Variants in LRRC8D observed in about 807,000 individuals in gnomAD.
LRRC8D encodes the protein volume-regulated anion channel subunit LRRC8D.
Under a neutral mutation model 55.8 loss-of-function variants are expected in LRRC8D, and 20 were observed. The observed-to-expected ratio is 0.36, with a 90% CI of 0.25 to 0.52. The LOEUF is 0.52. Ranked by LOEUF, LRRC8D falls within the 20% of genes least tolerant of loss-of-function variation. The probability of loss-of-function intolerance (pLI) is 0.93; values close to 1 mark genes in which losing one functional copy is unlikely to be tolerated. For missense variants in LRRC8D, 651 were observed against 1,030.8 expected (o/e 0.63, Z 5.05); for synonymous variants, 352 against 377.0 (o/e 0.93, Z 0.77).
intron 2 of LRRC8D, among the ~76,000 whole-genome samples, chr1:89,877,617 C>G (rs1028816592): frequency 1.3e-5 from 2 of 152,060 alleles, no homozygotes; most frequent in African/African-American, 4.8e-5. Context: ...GCAGCCTGTT[C>G]CTAAAACGTG....
chr1:89,845,409 C>T (rs528975687), intron 2 of LRRC8D, among the ~76,000 whole-genome samples: 4 of 152,264 alleles, frequency 2.6e-5, no homozygotes, highest in African/African-American at 7.2e-5. Flanking sequence ...TTGCCAAATA[C>T]GTCATGAAAA....
chr1:89,935,813 T>A lies in LRRC8D; in HGVS notation c.*168T>A, dbSNP rs950737349. The A allele has an allele frequency of 1.6e-6, 1 of 610,788 alleles. No individual in the cohort carries two copies. The highest frequency in any genetic ancestry group is 2.8e-6 in the Non-Finnish European group (1 of 358,180). The allele number at this position is 610,788 out of a possible 1,614,324, so 37.8% of individuals were successfully genotyped here. ...AGAAGACATAACTGAATGTTCAATG[T>A]TTGTAGGGTTTTAAGTCATTCATTT... is the stretch of plus-strand genomic sequence containing the variant. On this transcript the variant is annotated 3_prime_UTR_variant, in exon 3 of 3. Coordinates refer to ENST00000337338, the MANE Select transcript of LRRC8D (RefSeq NM_001134479.2).
At chr1:89,846,401 G>C (rs535836169) in intron 2 of LRRC8D, among the ~76,000 whole-genome samples, 1 of 151,102 alleles carries the variant, frequency 6.6e-6, no homozygotes, top group Admixed American at 6.6e-5. Context: ...ATTTTCTCCA[G>C]TTTATGGAGA....
intron 2 of LRRC8D, among the ~76,000 whole-genome samples, chr1:89,852,708 G>A (rs1661449528): frequency 6.6e-6 from 1 of 152,190 alleles, no homozygotes; most frequent in Non-Finnish European, 1.5e-5. Context: ...TCCTGAAGGA[G>A]GGGATTTTGG....
chr1:89,935,545 G>A lies in LRRC8D; in HGVS notation c.2477G>A (p.Ser826Asn). Residue 826 changes from serine (S) to asparagine (N), a missense_variant, in exon 3 of 3, where the codon AGC (serine) becomes AAC (asparagine). Coordinates refer to ENST00000337338, the MANE Select transcript of LRRC8D (RefSeq NM_001134479.2). ...GGCCAGTGTCGGATGCTCAAGAAAA[G>A]CGGGCTTGTTGTGGAAGATCACCTT... ...QLGQCRMLKK[S>N]GLVVEDHLFD... 6.2e-7 allele frequency: 1 copy of A among 1,614,232 alleles called. No individual in the cohort carries two copies. Among genetic ancestry groups the A allele is most frequent in the Non-Finnish European group, 8.5e-7 (1 of 1,180,054 alleles).
chr1:89,840,967 G>GT (rs767875822), intron 1 of LRRC8D, among the ~76,000 whole-genome samples: 3 of 152,160 alleles, frequency 2.0e-5, no homozygotes, highest in Non-Finnish European at 4.4e-5. Context: ...AATTGACAGG[G>GT]TTTTTAAAAT....
At chr1:89,853,762 G>A (rs116155538) in intron 2 of LRRC8D, among the ~76,000 whole-genome samples, 5 of 152,074 alleles carry the variant, frequency 3.3e-5, no homozygotes, top group Admixed American at 6.5e-5. Flanking sequence ...GTATTCAGTG[G>A]GTAGTCAGAA....
intron 2 of LRRC8D, among the ~76,000 whole-genome samples, chr1:89,857,151 G>A (rs1004606996): frequency 6.6e-6 from 1 of 152,040 alleles, no homozygotes; most frequent in Non-Finnish European, 1.5e-5. Context: ...TGGGAGGTGA[G>A]GCAGGTGGAT....
intron 2 of LRRC8D, among the ~76,000 whole-genome samples, chr1:89,903,750 C>T (rs1339452339): frequency 2.6e-5 from 4 of 152,146 alleles, no homozygotes; most frequent in African/African-American, 9.7e-5. Flanking sequence ...TGCTGATGTT[C>T]ATAACTAGCA....
At chr1:89,855,098 C>T (rs557059937) in intron 2 of LRRC8D, among the ~76,000 whole-genome samples, 18 of 152,174 alleles carry the variant, frequency 1.2e-4, no homozygotes, top group African/African-American at 4.3e-4. Context: ...TTTCTAGGCT[C>T]ATTTCTCACT....
intron 1 of LRRC8D, among the ~76,000 whole-genome samples, chr1:89,834,324 A>G (rs1370482056): frequency 2.6e-5 from 4 of 152,228 alleles, no homozygotes; most frequent in Non-Finnish European, 4.4e-5. Flanking sequence ...AGTTAGCACT[A>G]AATATTAACA....
intron 2 of LRRC8D, among the ~76,000 whole-genome samples, chr1:89,900,054 T>G (rs1169812359): frequency 6.6e-6 from 1 of 152,090 alleles, no homozygotes; most frequent in Non-Finnish European, 1.5e-5. Flanking sequence ...AACCAGATAA[T>G]TGTACGAGAG....
intron 2 of LRRC8D, among the ~76,000 whole-genome samples, chr1:89,925,317 G>A (rs569408278): frequency 7.2e-5 from 11 of 151,748 alleles, no homozygotes; most frequent in South Asian, 4.1e-4. Context: ...CTCAGGGATC[G>A]CGCTGATTCC....
At chr1:89,923,270 G>A (rs1663468886) in intron 2 of LRRC8D, among the ~76,000 whole-genome samples, 1 of 152,088 alleles carries the variant, frequency 6.6e-6, no homozygotes, top group Admixed American at 6.5e-5. Flanking sequence ...TGCAATAGAT[G>A]TACTATAAAA....
At chr1:89,849,626 C>T (rs1340015223) in intron 2 of LRRC8D, among the ~76,000 whole-genome samples, 1 of 151,824 alleles carries the variant, frequency 6.6e-6, no homozygotes, top group Admixed American at 6.6e-5. Context: ...TGAGGCTGAA[C>T]ATGTCTTCAT....
intron 2 of LRRC8D, among the ~76,000 whole-genome samples, chr1:89,847,985 C>G (rs1661321480): frequency 6.6e-6 from 1 of 152,200 alleles, no homozygotes; most frequent in Non-Finnish European, 1.5e-5. Context: ...AAAACAACTG[C>G]TCCAGACTGA....
At chr1:89,852,335 T>C (rs1302405614) in intron 2 of LRRC8D, among the ~76,000 whole-genome samples, 1 of 152,254 alleles carries the variant, frequency 6.6e-6, no homozygotes, top group African/African-American at 2.4e-5. Flanking sequence ...GATTCCTCTG[T>C]GCTCCCCTTA....
chr1:89,876,151 TG>T (rs1318667534), intron 2 of LRRC8D, among the ~76,000 whole-genome samples: 2 of 152,196 alleles, frequency 1.3e-5, no homozygotes, highest in Non-Finnish European at 2.9e-5. Flanking sequence ...TCGTCTGCTC[TG>T]CTGACACCTG....
chr1:89,833,385 G>A (rs1570803266), intron 1 of LRRC8D, among the ~76,000 whole-genome samples: 1 of 152,130 alleles, frequency 6.6e-6, no homozygotes, highest in African/African-American at 2.4e-5. Flanking sequence ...GTGACAACCC[G>A]CATCCTTGGC....
Sources: allele counts gnomAD v4.1 joint callset (sites outside exome capture counted in the v4.1 genomes callset), GRCh38; gene constraint gnomAD v4.1.1; transcripts MANE v1.5; gene names NCBI Gene and HGNC (gene_info 2026-07-23, HGNC 2026-07-21).